The following RBFOX3 variants were observed in gnomAD, a reference collection of about 807,000 sequenced individuals.
RBFOX3 encodes RNA binding protein fox-1 homolog 3.
A neutral mutation model predicts 48.7 loss-of-function variants in RBFOX3; 17 were observed. The observed-to-expected ratio is 0.35, with a 90% CI of 0.24 to 0.52. RBFOX3 has a LOEUF of 0.52. Among genes scored for constraint, RBFOX3 ranks in the 20% least tolerant of loss-of-function variants. RBFOX3 has a pLI of 0.94. For missense variants in RBFOX3, 382 were observed against 497.5 expected (o/e 0.77, Z 2.21); for synonymous variants, 212 against 209.5 (o/e 1.01, Z -0.10).
rs559539840 is a variant in RBFOX3, at chr17:79,381,379, A to G, written c.-174-73555T>C. 5.3e-4 allele frequency among the ~76,000 whole-genome samples: 81 copies of G among 152,294 alleles called. 2 individuals are homozygous for G. Among genetic ancestry groups the G allele is most frequent in the Admixed American group, 3.9e-3 (60 of 15,306 alleles). On this transcript the variant is annotated intron_variant, in intron 2 of 14. Coordinates refer to ENST00000693108, the MANE Select transcript of RBFOX3 (RefSeq NM_001350451.2). ...GATCAATGTAAAAACCATGCATGAG[A>G]TGGTGTACATGTTTTTCTTTGTACG...
intron 2 of RBFOX3, among the ~76,000 whole-genome samples, chr17:79,383,557 T>TC (rs766838221): frequency 1.7e-4 from 25 of 151,186 alleles, no homozygotes; most frequent in Middle Eastern, 3.5e-3. Flanking sequence ...CCTGGAGGAG[T>TC]ACCCCCCCGA....
intron 1 of RBFOX3, among the ~76,000 whole-genome samples, chr17:79,513,099 C>G (rs921605491): frequency 1.1e-4 from 17 of 151,986 alleles, no homozygotes; most frequent in African/African-American, 3.9e-4. Flanking sequence ...CGGGTACAGC[C>G]CCATAACCAG....
chr17:79,154,642 G>A (rs1340616828), intron 4 of RBFOX3, among the ~76,000 whole-genome samples: 2 of 152,228 alleles, frequency 1.3e-5, no homozygotes, highest in Non-Finnish European at 2.9e-5. Flanking sequence ...ATTTGGCTGG[G>A]TCTCGCCCTG....
In RBFOX3 at chr17:79,110,835, TC is replaced by T. The variant is rs1269252967; in HGVS notation, c.223-4048del. 8.5e-5 allele frequency among the ~76,000 whole-genome samples: 13 copies of T among 152,284 alleles called. No individual in the cohort carries two copies. The East Asian group carries it at 2.5e-3, about 29-fold the overall frequency. On this transcript the variant is annotated intron_variant, in intron 5 of 14. Coordinates refer to ENST00000693108, the MANE Select transcript of RBFOX3 (RefSeq NM_001350451.2). ...GGCAGCCGACTGACGCCTCATCCACTCCCACCTCCCAGCCTGGGTAGGGGCA... is the reference window on the plus strand; with the variant it reads ...GGCAGCCGACTGACGCCTCATCCACTCCACCTCCCAGCCTGGGTAGGGGCA...
intron 2 of RBFOX3, among the ~76,000 whole-genome samples, chr17:79,319,149 T>C (rs929054803): frequency 5.3e-5 from 8 of 152,252 alleles, no homozygotes; most frequent in Admixed American, 2.0e-4. Flanking sequence ...GATTTCATTA[T>C]AGTCAGGTGG....
intron 2 of RBFOX3, among the ~76,000 whole-genome samples, chr17:79,428,616 G>A (rs1184004292): frequency 6.6e-6 from 1 of 152,200 alleles, no homozygotes; most frequent in Non-Finnish European, 1.5e-5. Context: ...ACAGCCTCGG[G>A]AGGCAGAGAT....
At chr17:79,097,137 C>T in intron 11 of RBFOX3, among the ~76,000 whole-genome samples, 155 bp downstream of exon 11, 1 of 151,930 alleles carries the variant, frequency 6.6e-6, no homozygotes, top group Non-Finnish European at 1.5e-5. Context: ...ATAATGGAGG[C>T]AGCTGCAGGG....
At chr17:79,340,464 G>A (rs754289902) in intron 2 of RBFOX3, among the ~76,000 whole-genome samples, 16 of 152,166 alleles carry the variant, frequency 1.1e-4, no homozygotes, top group South Asian at 2.1e-4. Context: ...AGCCTGAGCC[G>A]CCCTGTGATT....
intron 4 of RBFOX3, among the ~76,000 whole-genome samples, chr17:79,230,694 G>A (rs1287894664): frequency 6.6e-6 from 1 of 152,186 alleles, no homozygotes; most frequent in African/African-American, 2.4e-5. Flanking sequence ...CAAGGCATGG[G>A]AAGCAAAGGT....
intron 2 of RBFOX3, among the ~76,000 whole-genome samples, chr17:79,469,298 G>A (rs369093452): frequency 3.5e-4 from 53 of 152,292 alleles, no homozygotes; most frequent in African/African-American, 9.6e-4. Flanking sequence ...TATGCTGGGC[G>A]GGCTCAAGTC....
chr17:79,150,698 C>T (rs886998482), intron 4 of RBFOX3, among the ~76,000 whole-genome samples: 1 of 152,178 alleles, frequency 6.6e-6, no homozygotes, highest in Non-Finnish European at 1.5e-5. Flanking sequence ...CTCCTCCTTT[C>T]CCCAGCAACC....
At chr17:79,646,902 G>A in the RBFOX3 span, among the ~76,000 whole-genome samples, 2 of 152,288 alleles carry the variant, frequency 1.3e-5, no homozygotes, top group East Asian at 3.9e-4. Context: ...TTCACTTGCT[G>A]GCCTCACTCA....
At chr17:79,250,265 T>A (rs941629488) in intron 3 of RBFOX3, among the ~76,000 whole-genome samples, 1 of 152,176 alleles carries the variant, frequency 6.6e-6, no homozygotes, top group Non-Finnish European at 1.5e-5. Flanking sequence ...CTAACCCACA[T>A]TGACAAGCAG....
At chr17:79,132,519 A>G (rs1002149063) in intron 4 of RBFOX3, among the ~76,000 whole-genome samples, 1 of 152,190 alleles carries the variant, frequency 6.6e-6, no homozygotes, top group African/African-American at 2.4e-5. Flanking sequence ...CCAACAGGAA[A>G]CAGCGTACAT....
chr17:79,417,033 G>A (rs570642471), intron 2 of RBFOX3, among the ~76,000 whole-genome samples: 86 of 152,324 alleles, frequency 5.6e-4, no homozygotes, highest in African/African-American at 1.9e-3. Context: ...GTGGAAAGGC[G>A]GCCCCACCCT....
chr17:79,583,366 C>T (rs1178501318), intron 1 of RBFOX3, among the ~76,000 whole-genome samples: 9 of 152,200 alleles, frequency 5.9e-5, no homozygotes, highest in South Asian at 2.1e-4. Context: ...TGGGACCCCA[C>T]GGTGACTCAG....
Position 79,516,335 on chromosome 17 carries a change from C to A in RBFOX3, c.-319-33737G>T, listed in dbSNP as rs967173087. Among the ~76,000 whole-genome samples, 7 of 152,222 alleles carry A rather than the reference C, an allele frequency of 4.6e-5. No individual in the cohort carries two copies. In the East Asian group the frequency reaches 9.6e-4, roughly 21 times the overall value. On this transcript the variant is annotated intron_variant, in intron 1 of 14. Transcript: ENST00000693108. ...AAATGCCCACGTGTGGCCACACTCC[C>A]CTCCCTGGGCACCCCTGCCTTTCTA...
At chr17:79,575,988 T>C (rs978752492) in intron 1 of RBFOX3, among the ~76,000 whole-genome samples, 2 of 152,206 alleles carry the variant, frequency 1.3e-5, no homozygotes, top group Non-Finnish European at 2.9e-5. Flanking sequence ...GGCCAGGCCA[T>C]AGTCTCTAGG....
intron 4 of RBFOX3, among the ~76,000 whole-genome samples, chr17:79,141,546 G>A (rs1421432919): frequency 6.6e-6 from 1 of 152,206 alleles, no homozygotes; most frequent in South Asian, 2.1e-4. Context: ...CACATCAGCA[G>A]GGGAGGGTCA....
Sources: gnomAD v4.1 joint callset for allele counts (sites outside exome capture counted in the v4.1 genomes callset) on GRCh38, gnomAD v4.1.1 for gene constraint, MANE v1.5 for transcripts, NCBI Gene and HGNC (gene_info 2026-07-23, HGNC 2026-07-21) for gene names.